ADAMTSL1: variants seen among roughly 807,000 people sequenced by gnomAD.
ADAMTSL1 encodes ADAMTS like 1, also known as ADAMTS-like protein 1.
ADAMTSL1 carries 126 observed loss-of-function variants against 201.8 expected under a neutral mutation model. The observed-to-expected ratio is 0.62, with a 90% confidence interval of 0.54 to 0.72. The LOEUF (loss-of-function observed/expected upper bound fraction) is 0.72, where lower values mean the gene tolerates loss of function less well. Ranked by LOEUF, ADAMTSL1 falls within the 30% of genes least tolerant of loss-of-function variation. The pLI, the probability that ADAMTSL1 is intolerant of heterozygous loss-of-function variation, is 0.00. For synonymous variants in ADAMTSL1, 1,121 were observed against 903.4 expected (o/e 1.24, Z -4.32); for missense variants, 2,679 against 2,277.8 (o/e 1.18, Z -3.59).
At chr9:18,529,383 T>A (rs117525025) in intron 2 of ADAMTSL1, among the ~76,000 whole-genome samples, 1 of 152,196 alleles carries the variant, frequency 6.6e-6, no homozygotes, top group Non-Finnish European at 1.5e-5. Context: ...ATACTATGTA[T>A]CTTGAGCACA....
chr9:18,276,897 A>T (rs1433332969), intron 2 of ADAMTSL1, among the ~76,000 whole-genome samples: 1 of 152,176 alleles, frequency 6.6e-6, no homozygotes, highest in Non-Finnish European at 1.5e-5. Flanking sequence ...ACATTTCAAC[A>T]TGAGATTTGG....
chr9:18,215,668 A>T (rs971695292), intron 2 of ADAMTSL1, among the ~76,000 whole-genome samples: 1 of 152,194 alleles, frequency 6.6e-6, no homozygotes, highest in African/African-American at 2.4e-5. Flanking sequence ...AGCTTGGCTT[A>T]TAACTTTTAG....
intron 2 of ADAMTSL1, among the ~76,000 whole-genome samples, chr9:18,447,403 C>A (rs977308607): frequency 2.0e-5 from 3 of 152,100 alleles, no homozygotes; most frequent in African/African-American, 7.2e-5. Flanking sequence ...GTAGGACTGG[C>A]TTCATGCCCT....
intron 20 of ADAMTSL1, among the ~76,000 whole-genome samples, chr9:18,807,172 A>G (rs1183048578): frequency 2.0e-5 from 3 of 152,114 alleles, no homozygotes; most frequent in African/African-American, 7.2e-5. Context: ...TTTTTCTTCA[A>G]TTTATACAGA....
chr9:18,650,163 G>T (rs1828133682), intron 7 of ADAMTSL1, among the ~76,000 whole-genome samples: 1 of 152,212 alleles, frequency 6.6e-6, no homozygotes, highest in African/African-American at 2.4e-5. Flanking sequence ...CTAGCAATCA[G>T]TGAGACTCCG....
At chr9:18,101,173 T>A (rs1316668343) in intron 1 of ADAMTSL1, among the ~76,000 whole-genome samples, 1 of 152,040 alleles carries the variant, frequency 6.6e-6, no homozygotes, top group Non-Finnish European at 1.5e-5. Context: ...TAGATTCTAA[T>A]TTAAATGAAA....
At chr9:18,305,071 G>A (rs1300911136) in intron 2 of ADAMTSL1, among the ~76,000 whole-genome samples, 1 of 152,114 alleles carries the variant, frequency 6.6e-6, no homozygotes, top group Non-Finnish European at 1.5e-5. Flanking sequence ...CTGAAGCAGG[G>A]TGGGGCATTG....
At chr9:18,834,181 G>A (rs916009620) in intron 23 of ADAMTSL1, among the ~76,000 whole-genome samples, 2 of 152,074 alleles carry the variant, frequency 1.3e-5, no homozygotes, top group African/African-American at 4.8e-5. Flanking sequence ...CTTTTTTTGG[G>A]TTCCATATGA....
intron 23 of ADAMTSL1, among the ~76,000 whole-genome samples, chr9:18,859,054 G>A (rs751915054): frequency 4.9e-4 from 75 of 152,314 alleles, no homozygotes; most frequent in Non-Finnish European, 8.4e-4. Context: ...AAATAGGTTG[G>A]TGAAGATGAA....
At position 18,904,633 on chromosome 9, in the gene ADAMTSL1, C is replaced by CAAAAAAAAA. The variant is rs71333072; in HGVS notation, c.4852-1118_4852-1110dup. ...TGGGCAACAGAAAGAGACCCTGCCT[C>CAAAAAAAAA]AAAAAAAAAAAAAAAAAAAAAAAAA... On this transcript the variant is annotated intron_variant, in intron 26 of 28. Transcript: ENST00000380548. 8.7e-4 allele frequency among the ~76,000 whole-genome samples: 13 copies of CAAAAAAAAA among 15,006 alleles called. 3 individuals are homozygous for CAAAAAAAAA. The highest frequency in any genetic ancestry group is 5.8e-3 in the East Asian group (2 of 346). 9.8% of individuals were successfully genotyped at this position (15,006 alleles called of 152,430 possible). A position where few individuals can be genotyped will look rare whatever the true frequency, so the allele number is the denominator to read the frequency against.
intron 19 of ADAMTSL1, among the ~76,000 whole-genome samples, chr9:18,787,447 C>T (rs1203548872): frequency 6.6e-6 from 1 of 152,030 alleles, no homozygotes; most frequent in Non-Finnish European, 1.5e-5. Flanking sequence ...AGGGGATCTC[C>T]AGAGATCCCC....
At chr9:18,491,586 T>C (rs934579143) in intron 1 of ADAMTSL1, among the ~76,000 whole-genome samples, 2 of 152,230 alleles carry the variant, frequency 1.3e-5, no homozygotes, top group African/African-American at 2.4e-5. Context: ...CTGTTAATAA[T>C]AAACATTTAA....
chr9:18,856,756 C>G (rs944381660), intron 23 of ADAMTSL1, among the ~76,000 whole-genome samples: 2 of 151,982 alleles, frequency 1.3e-5, no homozygotes, highest in Non-Finnish European at 2.9e-5. Flanking sequence ...GTGTGCCTGG[C>G]CCAAGAAGGA....
intron 1 of ADAMTSL1, among the ~76,000 whole-genome samples, chr9:17,934,051 G>T (rs1826905944): frequency 4.6e-5 from 7 of 152,138 alleles, no homozygotes; most frequent in Admixed American, 4.6e-4. Flanking sequence ...ACTGCAGTGG[G>T]AATGACTTTG....
At chr9:18,683,878 T>C (rs895721462) in intron 12 of ADAMTSL1, among the ~76,000 whole-genome samples, 1 of 152,198 alleles carries the variant, frequency 6.6e-6, no homozygotes, top group Non-Finnish European at 1.5e-5. Flanking sequence ...GGTGCATATA[T>C]GTATAGACAT....
chr9:17,964,507 T>C (rs920285473), intron 1 of ADAMTSL1, among the ~76,000 whole-genome samples: 3 of 152,140 alleles, frequency 2.0e-5, no homozygotes, highest in African/African-American at 7.2e-5. Context: ...ACAAAACTCT[T>C]CTGTGTCTCG....
At chr9:18,356,384 T>G (rs977746348) in intron 2 of ADAMTSL1, among the ~76,000 whole-genome samples, 12 of 152,080 alleles carry the variant, frequency 7.9e-5, no homozygotes, top group Non-Finnish European at 1.6e-4. Context: ...TGCCTCCTCT[T>G]GCTGCCAGTG....
chr9:18,580,224 T>C (rs1427855847), intron 4 of ADAMTSL1, among the ~76,000 whole-genome samples: 1 of 152,194 alleles, frequency 6.6e-6, no homozygotes, highest in Admixed American at 6.5e-5. Context: ...AAATAAGCAA[T>C]AAAATGAATC....
At chr9:18,126,635 AT>A in intron 1 of ADAMTSL1, among the ~76,000 whole-genome samples, 1 of 152,280 alleles carries the variant, frequency 6.6e-6, no homozygotes, top group East Asian at 1.9e-4. Flanking sequence ...CAAATATTTA[AT>A]TTTGAACTAT....
Sources: gnomAD v4.1 joint callset for allele counts (sites outside exome capture counted in the v4.1 genomes callset) on GRCh38, gnomAD v4.1.1 for gene constraint, MANE v1.5 for transcripts, NCBI Gene and HGNC (gene_info 2026-07-23, HGNC 2026-07-21) for gene names.